The following IKZF1 variants were observed in gnomAD, a reference collection of about 807,000 sequenced individuals.
IKZF1 encodes DNA-binding protein Ikaros.
Under a neutral mutation model 51.7 loss-of-function variants are expected in IKZF1, and 10 were observed. The observed-to-expected ratio is 0.19, with a 90% CI of 0.12 to 0.33. IKZF1 has a LOEUF of 0.33. Ranked by LOEUF, IKZF1 falls within the 10% of genes least tolerant of loss-of-function variation. The pLI, the probability that IKZF1 is intolerant of heterozygous loss-of-function variation, is 1.00. For synonymous variants in IKZF1, 280 were observed against 282.3 expected (o/e 0.99, Z 0.08); for missense variants, 484 against 707.5 (o/e 0.68, Z 3.58).
intron 3 of IKZF1, among the ~76,000 whole-genome samples, chr7:50,361,884 A>G (rs143873734): frequency 2.6e-5 from 4 of 152,176 alleles, no homozygotes; most frequent in Non-Finnish European, 5.9e-5. Flanking sequence ...CAAAAAAGAA[A>G]AAAAAAGCTA....
chr7:50,337,199 T>C (rs1036362305), intron 3 of IKZF1, among the ~76,000 whole-genome samples: 1 of 151,962 alleles, frequency 6.6e-6, no homozygotes, highest in Admixed American at 6.6e-5. Context: ...AAGGAGCTGG[T>C]TGGGGTCGGG....
intron 1 of IKZF1, among the ~76,000 whole-genome samples, chr7:50,315,923 G>A (rs979625279): frequency 3.3e-5 from 5 of 152,152 alleles, no homozygotes; most frequent in South Asian, 2.1e-4. Flanking sequence ...AGTGATGCAC[G>A]TGCTAACAAA....
In IKZF1 at chr7:50,327,901, C is replaced by T. The variant is rs540612528; in HGVS notation, c.160+144C>T. The T allele has an allele frequency of 5.1e-6, 5 of 975,742 alleles. No individual in the cohort carries two copies. The South Asian group carries it at 8.7e-5, about 17-fold the overall frequency. The allele number at this position is 975,742 out of a possible 1,614,324, so 60.4% of individuals were successfully genotyped here. On this transcript the variant is annotated intron_variant, in intron 3 of 7. Coordinates refer to ENST00000331340, the MANE Select transcript of IKZF1 (RefSeq NM_006060.6). ...TAAAGAAATATGGCACAAAGATCAG[C>T]AGGATGGGGGTCCTCTGGTGTGTGG...
chr7:50,400,507 C>T lies in IKZF1; in HGVS notation c.1440C>T (p.His480=). The change falls in exon 8 of 8, where the codon CAC becomes CAT. Residue 480 remains histidine (H), a synonymous_variant. Transcript: ENST00000331340. This position sits in a 1 kb window ranked among gnomAD's most constrained non-coding sequence, Gnocchi z 5.4. ...LFLDHVMYTI[H]MGCHGFRDPF... Reference sequence around the variant, plus strand: ...TGGATCACGTCATGTACACCATCCACATGGGCTGCCACGGCTTCCGTGATC... The same window carrying T: ...TGGATCACGTCATGTACACCATCCATATGGGCTGCCACGGCTTCCGTGATC... The T allele has an allele frequency of 6.2e-7, 1 of 1,614,138 alleles. No homozygotes were observed. Among genetic ancestry groups the T allele is most frequent in the Non-Finnish European group, 8.5e-7 (1 of 1,179,972 alleles).
chr7:50,401,008 C>CCTG lies in IKZF1; in HGVS notation c.*381_*382insCTG. The CCTG allele has an allele frequency of 2.8e-6, 1 of 355,614 alleles. No individual in the cohort carries two copies. Among genetic ancestry groups the CCTG allele is most frequent in the Non-Finnish European group, 5.2e-6 (1 of 193,078 alleles). 22.0% of individuals were successfully genotyped at this position (355,614 alleles called of 1,614,324 possible). On this transcript the variant is annotated 3_prime_UTR_variant, in exon 8 of 8. Coordinates refer to ENST00000331340, the MANE Select transcript of IKZF1 (RefSeq NM_006060.6). Reference sequence around the variant, plus strand: ...GGGAAGGAGCGTGCTCTACCCTGTGCTAAGCACGGGGTTCGCGCACCAGGT... The same window carrying CCTG: ...GGGAAGGAGCGTGCTCTACCCTGTGCCTGTAAGCACGGGGTTCGCGCACCAGGT...
intron 3 of IKZF1, among the ~76,000 whole-genome samples, chr7:50,330,059 T>C (rs1796102003): frequency 6.6e-6 from 1 of 152,202 alleles, no homozygotes; most frequent in African/African-American, 2.4e-5. Context: ...GCATTACTGA[T>C]GGGTTCCCAG....
chr7:50,398,423 G>A (rs1038414177), intron 7 of IKZF1, among the ~76,000 whole-genome samples: 1 of 152,068 alleles, frequency 6.6e-6, no homozygotes, highest in Non-Finnish European at 1.5e-5. Context: ...ACACCTCCCA[G>A]CCCCTTCTCC....
At chr7:50,385,484 CTGGAGGGG>C (rs766078089) in intron 5 of IKZF1, among the ~76,000 whole-genome samples, 52 of 152,312 alleles carry the variant, frequency 3.4e-4, no homozygotes, top group Middle Eastern at 3.4e-3. Context: ...GCTGGGGGAG[CTGGAGGGG>C]TGGAGAAGTG....
At chr7:50,334,420 ATG>A (rs1797106005) in intron 3 of IKZF1, among the ~76,000 whole-genome samples, 1 of 151,532 alleles carries the variant, frequency 6.6e-6, no homozygotes, top group South Asian at 2.1e-4. Context: ...TGTGTGTGGC[ATG>A]TGTGTGTTTG....
intron 3 of IKZF1, among the ~76,000 whole-genome samples, chr7:50,365,248 T>C (rs757994250): frequency 6.6e-6 from 1 of 152,234 alleles, no homozygotes; most frequent in Non-Finnish European, 1.5e-5. Context: ...TAGTACACAC[T>C]TCTTTTACTG....
At chr7:50,356,128 C>T (rs145624248) in intron 3 of IKZF1, among the ~76,000 whole-genome samples, 3 of 152,314 alleles carry the variant, frequency 2.0e-5, no homozygotes, top group East Asian at 3.9e-4. Flanking sequence ...GCATCTACCC[C>T]GATAGATTTA....
chr7:50,364,764 G>A (rs1229179020), intron 3 of IKZF1, among the ~76,000 whole-genome samples: 3 of 152,210 alleles, frequency 2.0e-5, no homozygotes, highest in Admixed American at 6.5e-5. Flanking sequence ...CCTAGAGTGC[G>A]AGGAGCTCTC....
In IKZF1 at chr7:50,399,870, G is replaced by A. The variant is rs752333816; in HGVS notation, c.851-48G>A. ...TCAGCTGTTGCTGCCAGACCTGACC[G>A]GTTCCGGAGGTGGCCGCGCCCCACT... On this transcript the variant is annotated intron_variant, in intron 7 of 7. Coordinates refer to ENST00000331340, the MANE Select transcript of IKZF1 (RefSeq NM_006060.6). The A allele has an allele frequency of 8.0e-5, 125 of 1,561,206 alleles. No homozygotes were observed. The Admixed American group carries it at 9.8e-4, about 12-fold the overall frequency.
chr7:50,361,324 A>G lies in IKZF1; in HGVS notation c.161-15209A>G, dbSNP rs373570750. Among the ~76,000 whole-genome samples, 176 of 152,334 alleles carry G rather than the reference A, an allele frequency of 1.2e-3. 3 individuals carry two copies. Among genetic ancestry groups the G allele is most frequent in the South Asian group, 0.01 (50 of 4,828 alleles). ...GCCATCATAGTGCTTCTGTCTACTC[A>G]GTGTCTTTAGAATCAGCAAATATCA... On this transcript the variant is annotated intron_variant, in intron 3 of 7. Coordinates refer to ENST00000331340, the MANE Select transcript of IKZF1 (RefSeq NM_006060.6).
chr7:50,311,036 A>C (rs755928405), intron 1 of IKZF1, among the ~76,000 whole-genome samples: 6 of 152,218 alleles, frequency 3.9e-5, no homozygotes, highest in Admixed American at 1.3e-4. Flanking sequence ...AATTTCTTAT[A>C]GTTATTATGA....
intron 4 of IKZF1, among the ~76,000 whole-genome samples, chr7:50,380,954 G>A (rs74611294): frequency 0.036 from 5,516 of 152,182 alleles, 417 homozygotes; most frequent in East Asian, 0.2. Flanking sequence ...ACCTGCTTAC[G>A]TTTAAACTCC....
chr7:50,377,765 A>T (rs539615899), intron 4 of IKZF1, among the ~76,000 whole-genome samples: 4 of 152,344 alleles, frequency 2.6e-5, no homozygotes, highest in African/African-American at 9.6e-5. Context: ...TTGCGTGGGA[A>T]GCTGTTCTAA....
chr7:50,376,548 T>C lies in IKZF1; in HGVS notation c.176T>C (p.Val59Ala). ...TTTCTTTCAGCCAGTAATGTTAAAGTAGAGACTCAGAGTGATGAAGAGAAT... is the reference window on the plus strand; with the variant it reads ...TTTCTTTCAGCCAGTAATGTTAAAGCAGAGACTCAGAGTGATGAAGAGAAT... ...SDRVVASNVK[V>A]ETQSDEENGR... Residue 59 changes from valine to alanine, a missense_variant, in exon 4 of 8, where the codon GTA (valine) becomes GCA (alanine). Coordinates refer to ENST00000331340, the MANE Select transcript of IKZF1 (RefSeq NM_006060.6). The surrounding 1 kb of genome is among the most constrained non-coding windows in gnomAD (Gnocchi z 4.5). The C allele has an allele frequency of 6.2e-7, 1 of 1,613,802 alleles. No individual in the cohort carries two copies.
intron 3 of IKZF1, among the ~76,000 whole-genome samples, chr7:50,343,411 A>G (rs1799572760): frequency 6.6e-6 from 1 of 152,106 alleles, no homozygotes; most frequent in Non-Finnish European, 1.5e-5. Flanking sequence ...TACAAGACAT[A>G]GAGAAATGAC....
Sources: gnomAD v4.1 joint callset for allele counts (sites outside exome capture counted in the v4.1 genomes callset) on GRCh38, gnomAD v4.1.1 for gene constraint, Gnocchi (gnomAD v3.1) non-coding constraint, MANE v1.5 for transcripts, NCBI Gene and HGNC (gene_info 2026-07-23, HGNC 2026-07-21) for gene names.